The following ITGB5 variants were observed in gnomAD, a reference collection of about 807,000 sequenced individuals.
ITGB5 encodes the protein integrin subunit beta 5.
ITGB5 carries 38 observed loss-of-function variants against 84.8 expected under a neutral mutation model. The ratio of observed to expected loss-of-function variants is 0.45; its 90% confidence interval spans 0.35 to 0.59. The LOEUF (loss-of-function observed/expected upper bound fraction) is 0.59. Among genes scored for constraint, ITGB5 ranks in the 20% least tolerant of loss-of-function variants. The probability of loss-of-function intolerance (pLI) is 0.01; values close to 1 mark genes in which losing one functional copy is unlikely to be tolerated. For missense variants in ITGB5, 905 were observed against 1,034.5 expected, an observed-to-expected ratio of 0.87 and a Z score of 1.72; for synonymous variants, 393 against 414.4, an observed-to-expected ratio of 0.95 and a Z score of 0.63.
At chr3:124,767,316 C>T (rs1217744472) in intron 12 of ITGB5, among the ~76,000 whole-genome samples, 3 of 152,156 alleles carry the variant, frequency 2.0e-5, no homozygotes, top group Non-Finnish European at 4.4e-5. Flanking sequence ...TTATCAGACA[C>T]GAAAGCCTGG....
chr3:124,810,574 G>C (rs1290164912), intron 8 of ITGB5, among the ~76,000 whole-genome samples: 1 of 151,662 alleles, frequency 6.6e-6, no homozygotes, highest in Non-Finnish European at 1.5e-5. Context: ...CTCCAGCCTG[G>C]GAGACAGAGT....
intron 5 of ITGB5, among the ~76,000 whole-genome samples, chr3:124,825,399 G>C (rs140985376): frequency 1.4e-3 from 220 of 152,186 alleles, no homozygotes; most frequent in African/African-American, 5.1e-3. Flanking sequence ...CTATATGCAA[G>C]TATTTATAAA....
chr3:124,872,875 C>T (rs1934124816), intron 2 of ITGB5, among the ~76,000 whole-genome samples: 2 of 152,100 alleles, frequency 1.3e-5, no homozygotes, highest in African/African-American at 4.8e-5. Flanking sequence ...TGGCCTCCCA[C>T]AATGCTGGCA....
chr3:124,845,973 G>A (rs1458204045), intron 4 of ITGB5, among the ~76,000 whole-genome samples: 1 of 152,182 alleles, frequency 6.6e-6, no homozygotes, highest in Non-Finnish European at 1.5e-5. Flanking sequence ...TAGTCCCTGT[G>A]GCCACCTGTC....
intron 7 of ITGB5, among the ~76,000 whole-genome samples, chr3:124,818,976 C>CA (rs1449503436): frequency 1.3e-5 from 2 of 152,242 alleles, no homozygotes; most frequent in East Asian, 1.9e-4. Flanking sequence ...AAAAGAATCT[C>CA]AGAGACGAGT....
intron 10 of ITGB5, chr3:124,791,285 C>T (rs1030763352): frequency 2.6e-5 from 4 of 152,226 alleles, no homozygotes; most frequent in African/African-American, 4.8e-5. Flanking sequence ...GAACCATTCT[C>T]TAAGTCAAGC....
At chr3:124,858,590 A>G (rs1412768238) in intron 3 of ITGB5, among the ~76,000 whole-genome samples, 2 of 152,242 alleles carry the variant, frequency 1.3e-5, no homozygotes, top group Non-Finnish European at 2.9e-5. Context: ...ACATGCCAAA[A>G]TATGTGTGAA....
intron 10 of ITGB5, among the ~76,000 whole-genome samples, chr3:124,776,157 C>T (rs1334524354): frequency 6.6e-6 from 1 of 152,164 alleles, no homozygotes; most frequent in Non-Finnish European, 1.5e-5. Flanking sequence ...GGCAGTGTCT[C>T]GCAGCTCAAG....
chr3:124,859,158 C>T, intron 3 of ITGB5, 84 bp downstream of exon 3: 2 of 1,316,092 alleles, frequency 1.5e-6, no homozygotes, highest in Non-Finnish European at 2.1e-6. Context: ...TGGCCTGACT[C>T]ATTGTCCCAT....
intron 1 of ITGB5, among the ~76,000 whole-genome samples, chr3:124,882,180 C>T (rs1934601240): frequency 6.6e-6 from 1 of 152,140 alleles, no homozygotes; most frequent in Admixed American, 6.5e-5. Flanking sequence ...CTGTTGTAGG[C>T]ATGGAGGATA....
chr3:124,842,606 C>T (rs1020903123), intron 4 of ITGB5, among the ~76,000 whole-genome samples: 1 of 152,124 alleles, frequency 6.6e-6, no homozygotes, highest in African/African-American at 2.4e-5. Flanking sequence ...GCCTGGGAGG[C>T]AGGCTGGGCC....
rs2064626296 is a variant in ITGB5, at chr3:124,817,688, C to T, written c.1061G>A (p.Gly354Glu). 1 of 1,590,288 alleles carries T rather than the reference C, an allele frequency of 6.3e-7. No individual in the cohort carries two copies. The change falls in exon 8 of 15, where the codon GGA becomes GAA. Residue 354 changes from glycine to glutamate, a missense_variant. Gly to Glu is a moderately conservative substitution (Grantham distance 98). Coordinates refer to ENST00000296181, the MANE Select transcript of ITGB5 (RefSeq NM_002213.5). ...LYKNFTALIPGTTVEILDGDS... is the reference protein window; with the variant it reads ...LYKNFTALIPETTVEILDGDS... ...TCCATCTAAAATCTCCACCGTTGTTCCAGGTATCAGGGCTGTAAAATTCTT... is the reference window on the plus strand; with the variant it reads ...TCCATCTAAAATCTCCACCGTTGTTTCAGGTATCAGGGCTGTAAAATTCTT...
intron 10 of ITGB5, among the ~76,000 whole-genome samples, chr3:124,786,470 G>A (rs2064083260): frequency 6.6e-6 from 1 of 152,040 alleles, no homozygotes; most frequent in Non-Finnish European, 1.5e-5. Flanking sequence ...CCAACTTCAT[G>A]ACGTCAAATA....
rs1254544396 is a variant in ITGB5, at chr3:124,848,651, ACTTTT to A, written c.362-98_362-94del. On this transcript the variant is annotated intron_variant, in intron 3 of 14. Coordinates refer to ENST00000296181, the MANE Select transcript of ITGB5 (RefSeq NM_002213.5). ...TGCTTTCAAAGCTAGTTTGCCTCTT[ACTTTT>A]CTTTAGTGATTGTGTGCCTCACAGA... The A allele has an allele frequency of 3.3e-5, 46 of 1,385,362 alleles. No individual in the cohort carries two copies. In the Admixed American group the frequency reaches 4.0e-4, roughly 12 times the overall value. 85.8% of individuals were successfully genotyped at this position (1,385,362 alleles called of 1,614,324 possible). A position where few individuals can be genotyped will look rare whatever the true frequency, so the allele number is the denominator to read the frequency against.
intron 1 of ITGB5, among the ~76,000 whole-genome samples, chr3:124,879,438 T>C (rs1208497222): frequency 6.6e-6 from 1 of 152,200 alleles, no homozygotes; most frequent in Non-Finnish European, 1.5e-5. Context: ...CTCACATTTG[T>C]CACACAATGG....
intron 9 of ITGB5, 107 bp downstream of exon 9, chr3:124,808,915 G>T: frequency 8.0e-7 from 1 of 1,247,290 alleles, no homozygotes; most frequent in Non-Finnish European, 1.1e-6. Flanking sequence ...TTGGAAAACA[G>T]AATATAAATT....
At chr3:124,775,293 AGT>A (rs200296911) in intron 10 of ITGB5, among the ~76,000 whole-genome samples, 1,995 of 147,020 alleles carry the variant, frequency 0.014, 22 homozygotes, top group South Asian at 0.046. Flanking sequence ...AGTGGGTGCA[AGT>A]GTGCATGAGT....
intron 1 of ITGB5, among the ~76,000 whole-genome samples, chr3:124,884,876 TC>T (rs1434517215): frequency 2.0e-5 from 3 of 152,132 alleles, no homozygotes; most frequent in African/African-American, 7.2e-5. Context: ...GCAAGTCACT[TC>T]CTTCCTGAGC....
At chr3:124,871,219 G>C (rs1223289012) in intron 2 of ITGB5, among the ~76,000 whole-genome samples, 1 of 151,738 alleles carries the variant, frequency 6.6e-6, no homozygotes, top group South Asian at 2.1e-4. Context: ...TTTTGAGACA[G>C]AGTCTCGCCC....
Sources: allele counts gnomAD v4.1 joint callset (sites outside exome capture counted in the v4.1 genomes callset), GRCh38; gene constraint gnomAD v4.1.1; transcripts MANE v1.5; gene names NCBI Gene and HGNC (gene_info 2026-07-23, HGNC 2026-07-21).